The following EFCAB5 variants were observed in gnomAD, a reference collection of about 807,000 sequenced individuals.
EFCAB5 encodes EF-hand calcium binding domain 5.
A neutral mutation model predicts 167.9 loss-of-function variants in EFCAB5; 131 were observed. That is an observed-to-expected ratio of 0.78 (90% CI 0.68 to 0.90). The LOEUF (loss-of-function observed/expected upper bound fraction) is 0.90, where lower values mean the gene tolerates loss of function less well. EFCAB5 is among the 40% of genes least tolerant of loss of function. The probability of loss-of-function intolerance (pLI) is 0.00; values close to 1 mark genes in which losing one functional copy is unlikely to be tolerated. For synonymous variants in EFCAB5, 574 were observed against 602.8 expected (o/e 0.95, Z 0.70); for missense variants, 1,663 against 1,745.2 (o/e 0.95, Z 0.84).
Position 30,059,661 on chromosome 17 carries a change from C to T in EFCAB5, c.2697C>T (p.Tyr899=), listed in dbSNP as rs754568919. 1.9e-6 allele frequency: 3 copies of T among 1,608,390 alleles called. No homozygotes were observed. Among genetic ancestry groups the T allele is most frequent in the East Asian group, 4.5e-5 (2 of 44,808 alleles). ...TGAAGGAAGTTGATGAACTCTTGTA[C>T]ACATACAAGGAGGGAATGGAAAAAG... The part of the protein sequence containing the change: ...LDLKEVDELL[Y]TYKEGMEKES... The change falls in exon 14 of 23, where the codon TAC becomes TAT. Residue 899 remains tyrosine (Y), a synonymous_variant. Coordinates refer to ENST00000394835, the MANE Select transcript of EFCAB5 (RefSeq NM_198529.4).
At position 30,038,801 on chromosome 17, in the gene EFCAB5, T is replaced by C. The variant is rs117049784; in HGVS notation, c.1200+4416T>C. 2.0e-3 allele frequency among the ~76,000 whole-genome samples: 308 copies of C among 152,338 alleles called. 9 individuals are homozygous for C. In the East Asian group the frequency reaches 0.053, roughly 26 times the overall value. ...TTGTATCCATGCTGATTTTTCTTCT[T>C]GGCACCAATTATCTATTTCTAACAA... On this transcript the variant is annotated intron_variant, in intron 8 of 22. Coordinates refer to ENST00000394835, the MANE Select transcript of EFCAB5 (RefSeq NM_198529.4).
At chr17:29,967,658 G>A (rs552948044) in intron 3 of EFCAB5, among the ~76,000 whole-genome samples, 19 of 152,092 alleles carry the variant, frequency 1.2e-4, no homozygotes, top group African/African-American at 3.6e-4. Context: ...GTATTCTTGC[G>A]CATTTTTTAA....
intron 4 of EFCAB5, among the ~76,000 whole-genome samples, chr17:29,979,984 C>T (rs1421746530): frequency 6.6e-6 from 1 of 152,090 alleles, no homozygotes; most frequent in Non-Finnish European, 1.5e-5. Context: ...GCCTGACCAA[C>T]ATGGTGAAAC....
At chr17:30,069,826 T>C (rs1229494178) in intron 14 of EFCAB5, among the ~76,000 whole-genome samples, 2 of 152,204 alleles carry the variant, frequency 1.3e-5, no homozygotes, top group East Asian at 1.9e-4. Context: ...CCCAGGCCGA[T>C]AGTGTTCAGC....
rs144955312 is a variant in EFCAB5, at chr17:30,061,253, G to A, written c.2737+1552G>A. ...AAACGACTCTCAATAAACACATATT[G>A]GTAGCCATTTGGTCTGAGGAGATGA... On this transcript the variant is annotated intron_variant, in intron 14 of 22. Transcript: ENST00000394835. Among the ~76,000 whole-genome samples, 145 of 152,262 alleles carry A rather than the reference G, an allele frequency of 9.5e-4. 2 individuals carry two copies. In the Middle Eastern group the frequency reaches 0.01, roughly 11 times the overall value.
chr17:30,057,745 T>C lies in EFCAB5; in HGVS notation c.2435T>C (p.Val812Ala). The change falls in exon 13 of 23, where the codon GTT becomes GCT. Residue 812 changes from valine (V) to alanine (A), a missense_variant. Coordinates refer to ENST00000394835, the MANE Select transcript of EFCAB5 (RefSeq NM_198529.4). The stretch of plus-strand genomic sequence containing the variant: ...AAAGGCAGAACTGCCTTCAATGGAG[T>C]TTCATTCAATCTGCTCCAGTTTGTG... ...EVKGRTAFNG[V>A]SFNLLQFVQL... is the part of the protein sequence containing the mutation. The C allele has an allele frequency of 6.2e-7, 1 of 1,613,726 alleles. No homozygotes were observed.
chr17:30,047,513 CA>C (rs2069961019), intron 8 of EFCAB5, among the ~76,000 whole-genome samples: 1 of 152,104 alleles, frequency 6.6e-6, no homozygotes, highest in South Asian at 2.1e-4. Context: ...TCCCACTAGT[CA>C]AAGTTAGTGC....
chr17:29,953,502 C>T (rs939582747), intron 3 of EFCAB5, among the ~76,000 whole-genome samples: 1 of 152,170 alleles, frequency 6.6e-6, no homozygotes, highest in African/African-American at 2.4e-5. Context: ...GGGAGTTCCC[C>T]TGCACATGCT....
At chr17:30,053,150 T>C (rs2070147758) in intron 9 of EFCAB5, 105 bp from the exon 10 acceptor site, 2 of 1,292,312 alleles carry the variant, frequency 1.5e-6, no homozygotes, top group Non-Finnish European at 2.1e-6. Flanking sequence ...AATAGGCCTA[T>C]ATTACAATTT....
At chr17:30,052,541 G>C (rs1286640774) in intron 9 of EFCAB5, among the ~76,000 whole-genome samples, 1 of 152,140 alleles carries the variant, frequency 6.6e-6, no homozygotes, top group African/African-American at 2.4e-5. Flanking sequence ...GATATACTTG[G>C]AGTATTTCTG....
At chr17:30,047,183 T>C (rs1229851335) in intron 8 of EFCAB5, among the ~76,000 whole-genome samples, 6 of 152,156 alleles carry the variant, frequency 3.9e-5, no homozygotes, top group South Asian at 2.1e-4. Context: ...TTCAATGAGG[T>C]TGAGATGCCG....
chr17:30,019,744 C>T (rs2069130872), intron 7 of EFCAB5, among the ~76,000 whole-genome samples: 1 of 152,076 alleles, frequency 6.6e-6, no homozygotes. Context: ...CCGTGCCCAG[C>T]CCATCCCTCT....
chr17:30,023,089 A>G (rs2069223978), intron 7 of EFCAB5, among the ~76,000 whole-genome samples: 1 of 152,032 alleles, frequency 6.6e-6, no homozygotes, highest in South Asian at 2.1e-4. Flanking sequence ...GAAAGATCCA[A>G]AATTGACACC....
chr17:29,980,041 T>G (rs1159096475), intron 4 of EFCAB5, among the ~76,000 whole-genome samples: 1 of 152,090 alleles, frequency 6.6e-6, no homozygotes, highest in Non-Finnish European at 1.5e-5. Context: ...TGGTGGTGCA[T>G]GCCTGTAATC....
chr17:29,980,738 T>A (rs1190077224), intron 4 of EFCAB5, among the ~76,000 whole-genome samples: 2 of 152,218 alleles, frequency 1.3e-5, no homozygotes, highest in East Asian at 3.8e-4. Flanking sequence ...TAAGTTACCA[T>A]CTATACATTC....
chr17:29,967,625 T>C (rs2067858023), intron 3 of EFCAB5, among the ~76,000 whole-genome samples: 1 of 152,204 alleles, frequency 6.6e-6, no homozygotes, highest in South Asian at 2.1e-4. Context: ...TCCTGACTCC[T>C]GAAGGCCCCC....
At chr17:29,996,254 T>C (rs1407566177) in intron 5 of EFCAB5, 58 bp from the exon 6 acceptor site, 1 of 1,372,642 alleles carries the variant, frequency 7.3e-7, no homozygotes, top group East Asian at 2.5e-5. Flanking sequence ...ATAACAAATA[T>C]GTGGTAACTG....
rs138468991 is a variant in EFCAB5, at chr17:30,057,843, G to A, written c.2533G>A (p.Glu845Lys). The stretch of plus-strand genomic sequence containing the variant: ...CGAGACTCTCACCTCCTTTTTTAAG[G>A]AGGGCTATGTTGAAACAGAACAAGA... ...VSETLTSFFK[E>K]GYVETEQEKM... Residue 845 changes from glutamate (E) to lysine (K), a missense_variant, in exon 13 of 23, where the codon GAG (glutamate) becomes AAG (lysine). Glu to Lys is a moderately conservative substitution (Grantham distance 56). Coordinates refer to ENST00000394835, the MANE Select transcript of EFCAB5 (RefSeq NM_198529.4). 183 of 1,613,774 alleles carry A rather than the reference G, an allele frequency of 1.1e-4. No homozygotes were observed. The African/African-American group carries it at 2.3e-3, about 20-fold the overall frequency.
intron 4 of EFCAB5, among the ~76,000 whole-genome samples, chr17:29,978,037 G>A (rs2068096955): frequency 6.6e-6 from 1 of 152,104 alleles, no homozygotes; most frequent in Non-Finnish European, 1.5e-5. Context: ...AGTAGGATTT[G>A]GCAAGACAGA....
Sources: gnomAD v4.1 joint callset for allele counts (sites outside exome capture counted in the v4.1 genomes callset) on GRCh38, gnomAD v4.1.1 for gene constraint, MANE v1.5 for transcripts, NCBI Gene and HGNC (gene_info 2026-07-23, HGNC 2026-07-21) for gene names.